PRDM15: variants seen among roughly 807,000 people sequenced by gnomAD.
PRDM15 encodes PR domain zinc finger protein 15.
Under a neutral mutation model 128.6 loss-of-function variants are expected in PRDM15, and 64 were observed. That is an observed-to-expected ratio of 0.50 (90% confidence interval 0.41 to 0.61). The LOEUF is 0.61. Ranked by LOEUF, PRDM15 falls within the 20% of genes least tolerant of loss-of-function variation. The probability of loss-of-function intolerance (pLI) is 0.00; values close to 1 mark genes in which losing one functional copy is unlikely to be tolerated. For missense variants in PRDM15, 1,242 were observed against 1,569.1 expected, an observed-to-expected ratio of 0.79 and a Z score of 3.52; for synonymous variants, 615 against 621.8, an observed-to-expected ratio of 0.99 and a Z score of 0.16.
At chr21:41,825,133 T>C (rs558272712) in intron 13 of PRDM15, among the ~76,000 whole-genome samples, 2 of 152,362 alleles carry the variant, frequency 1.3e-5, no homozygotes, top group East Asian at 3.9e-4. Flanking sequence ...TTGCATCCTG[T>C]GAGGGACAGT....
chr21:41,848,128 G>A (rs185592413), intron 5 of PRDM15, among the ~76,000 whole-genome samples: 1 of 152,064 alleles, frequency 6.6e-6, no homozygotes, highest in Non-Finnish European at 1.5e-5. Flanking sequence ...CATCACCCAC[G>A]GCAAACTCCA....
intron 1 of PRDM15, among the ~76,000 whole-genome samples, chr21:41,878,394 T>C (rs1224560753): frequency 6.6e-6 from 1 of 152,178 alleles, no homozygotes; most frequent in African/African-American, 2.4e-5. Context: ...TTAAGAAAGG[T>C]AAATGGGTGA....
intron 5 of PRDM15, among the ~76,000 whole-genome samples, chr21:41,852,190 T>C (rs7281207): frequency 0.2 from 29,791 of 152,234 alleles, 3,041 homozygotes; most frequent in East Asian, 0.32. Flanking sequence ...GTGGCAACCT[T>C]TGCTTTGACC....
At chr21:41,850,313 A>AC (rs760550562) in intron 5 of PRDM15, among the ~76,000 whole-genome samples, 1 of 142,194 alleles carries the variant, frequency 7.0e-6, no homozygotes, top group Non-Finnish European at 1.5e-5. Context: ...GTGCCCCCCC[A>AC]ACACTCTCCT....
chr21:41,808,791 C>T (rs747639400), intron 21 of PRDM15, among the ~76,000 whole-genome samples: 3 of 152,196 alleles, frequency 2.0e-5, no homozygotes, highest in Non-Finnish European at 4.4e-5. Flanking sequence ...ATTTCAGATC[C>T]GTGTAAGCAT....
At chr21:41,845,539 G>A (rs1174932986) in intron 6 of PRDM15, among the ~76,000 whole-genome samples, 1 of 151,794 alleles carries the variant, frequency 6.6e-6, no homozygotes, top group Non-Finnish European at 1.5e-5. Context: ...CGGGCTGCCC[G>A]AGTACCTGGC....
At chr21:41,805,894 T>C (rs1248918293) in intron 21 of PRDM15, among the ~76,000 whole-genome samples, 1 of 140,574 alleles carries the variant, frequency 7.1e-6, no homozygotes, top group Non-Finnish European at 1.5e-5. Context: ...TCCATCACTA[T>C]CATTACCCTC....
At chr21:41,864,960 G>GC (rs942811425) in intron 1 of PRDM15, among the ~76,000 whole-genome samples, 7 of 139,468 alleles carry the variant, frequency 5.0e-5, no homozygotes, top group African/African-American at 1.6e-4. Context: ...CCACATGCTC[G>GC]CCCCCCAAGG....
In PRDM15 at chr21:41,857,052, A is replaced by G. The variant is rs756936424; in HGVS notation, c.285+124T>C. On this transcript the variant is annotated intron_variant, in intron 4 of 23. Coordinates refer to ENST00000398548, the MANE Select transcript of PRDM15 (RefSeq NM_001040424.3). ...CTTGGAAATTAAGCAGACCTACAAT[A>G]TTTGGAGCTGTTTTTGAGGCATTTA... 7.7e-4 allele frequency: 634 copies of G among 824,458 alleles called. 4 individuals are homozygous for G. Among genetic ancestry groups the G allele is most frequent in the Middle Eastern group, 3.2e-4 (1 of 3,156 alleles). The allele number at this position is 824,458 out of a possible 1,614,324, so 51.1% of individuals were successfully genotyped here.
chr21:41,816,495 C>G (rs576408049), intron 18 of PRDM15, among the ~76,000 whole-genome samples: 1 of 152,168 alleles, frequency 6.6e-6, no homozygotes, highest in African/African-American at 2.4e-5. Context: ...CTCCCCAGCC[C>G]CGAAGAGGCG....
chr21:41,804,657 T>A, intron 21 of PRDM15, 43 bp from the exon 22 acceptor site: 1 of 1,473,062 alleles, frequency 6.8e-7, no homozygotes, highest in Non-Finnish European at 9.1e-7. Flanking sequence ...AGGGTGCTGC[T>A]GATGCAGGTG....
intron 5 of PRDM15, among the ~76,000 whole-genome samples, chr21:41,848,050 G>A (rs1434472758): frequency 6.6e-6 from 1 of 152,180 alleles, no homozygotes; most frequent in African/African-American, 2.4e-5. Context: ...CAGCTCTGGG[G>A]GCTGGCCCAG....
chr21:41,869,914 A>G (rs116864525), intron 1 of PRDM15, among the ~76,000 whole-genome samples: 3,545 of 152,266 alleles, frequency 0.023, 62 homozygotes, highest in South Asian at 0.07. Flanking sequence ...GGATGCCCAC[A>G]CTTACGTGCA....
intron 13 of PRDM15, 103 bp from the exon 14 acceptor site, chr21:41,823,552 A>C: frequency 8.0e-7 from 1 of 1,249,154 alleles, no homozygotes; most frequent in Non-Finnish European, 1.1e-6. Context: ...GGACGGAAAC[A>C]CAGCACTGTG....
intron 1 of PRDM15, among the ~76,000 whole-genome samples, chr21:41,868,326 T>G (rs915886859): frequency 6.6e-6 from 1 of 152,218 alleles, no homozygotes; most frequent in African/African-American, 2.4e-5. Context: ...TACATACGTT[T>G]TCATTTCTCT....
intron 13 of PRDM15, 124 bp downstream of exon 13, chr21:41,825,836 T>C (rs1035657334): frequency 2.7e-6 from 2 of 751,054 alleles, no homozygotes; most frequent in African/African-American, 1.7e-5. Flanking sequence ...TAAGACAACC[T>C]GAGCACCCAT....
At chr21:41,842,550 G>GT (rs751670696) in intron 6 of PRDM15, among the ~76,000 whole-genome samples, 1 of 152,140 alleles carries the variant, frequency 6.6e-6, no homozygotes, top group Non-Finnish European at 1.5e-5. Context: ...GGAGTGCAGT[G>GT]TGCGATCTCG....
chr21:41,834,376 G>C (rs1211808483), intron 11 of PRDM15: 2 of 795,510 alleles, frequency 2.5e-6, no homozygotes, highest in Non-Finnish European at 4.2e-6. Context: ...AGAGCCCCTG[G>C]GAGTCCGCTG....
intron 1 of PRDM15, among the ~76,000 whole-genome samples, chr21:41,860,609 G>C (rs1314703608): frequency 1.3e-5 from 2 of 152,082 alleles, no homozygotes; most frequent in Non-Finnish European, 2.9e-5. Context: ...TTTTAGCAGA[G>C]ACGGGGTTTC....
Sources: allele counts gnomAD v4.1 joint callset (sites outside exome capture counted in the v4.1 genomes callset), GRCh38; gene constraint gnomAD v4.1.1; transcripts MANE v1.5; gene names NCBI Gene and HGNC (gene_info 2026-07-23, HGNC 2026-07-21).